Variants in SPOCK3 observed in about 807,000 individuals in gnomAD.
SPOCK3 encodes SPARC (osteonectin), cwcv and kazal like domains proteoglycan 3.
In SPOCK3, 30 loss-of-function variants were observed where a neutral mutation model predicts 56.6. The ratio of observed to expected loss-of-function variants is 0.53; its 90% confidence interval spans 0.40 to 0.72. The LOEUF is 0.72. Among genes scored for constraint, SPOCK3 ranks in the 30% least tolerant of loss-of-function variants. The probability of loss-of-function intolerance (pLI) is 0.00; values close to 1 mark genes in which losing one functional copy is unlikely to be tolerated. For synonymous variants in SPOCK3, 196 were observed against 183.3 expected, an observed-to-expected ratio of 1.07 and a Z score of -0.56; for missense variants, 527 against 530.0, an observed-to-expected ratio of 0.99 and a Z score of 0.06.
intron 7 of SPOCK3, among the ~76,000 whole-genome samples, chr4:166,788,117 G>T (rs1055499724): frequency 1.3e-5 from 2 of 152,142 alleles, no homozygotes; most frequent in Non-Finnish European, 2.9e-5. Flanking sequence ...AGGAGGCGGA[G>T]GTTGCAGTGA....
rs192403163 is a variant in SPOCK3, at chr4:167,039,808, G to A, written c.235+22684C>T. ...TGTATAGCGAAAACATTTTAAAAAT[G>A]TATGAATGTTATGTATATATACCAC... is the stretch of plus-strand genomic sequence containing the variant. On this transcript the variant is annotated intron_variant, in intron 3 of 10. Coordinates refer to ENST00000357545, the MANE Select transcript of SPOCK3 (RefSeq NM_001040159.2). Among the ~76,000 whole-genome samples the A allele has an allele frequency of 1.6e-4, 25 of 152,282 alleles. No homozygotes were observed. In the East Asian group the frequency reaches 4.6e-3, roughly 28 times the overall value.
chr4:166,998,117 G>A (rs1265603579), intron 4 of SPOCK3, among the ~76,000 whole-genome samples: 2 of 152,042 alleles, frequency 1.3e-5, no homozygotes, highest in Non-Finnish European at 2.9e-5. Flanking sequence ...GGCAAATAAA[G>A]CATATCAAAT....
intron 3 of SPOCK3, among the ~76,000 whole-genome samples, chr4:167,028,985 C>T (rs1031367907): frequency 2.0e-5 from 3 of 151,864 alleles, no homozygotes; most frequent in East Asian, 1.9e-4. Flanking sequence ...TATAGGTAAA[C>T]GAGTGCCATG....
At chr4:166,899,508 C>CTTTT (rs781766258) in intron 5 of SPOCK3, among the ~76,000 whole-genome samples, 29,274 of 118,778 alleles carry the variant, frequency 0.25, 4,684 homozygotes, top group East Asian at 0.57. Flanking sequence ...TTCTTTCTTT[C>CTTTT]TTTTTTTTTT....
intron 6 of SPOCK3, among the ~76,000 whole-genome samples, chr4:166,852,686 G>GT (rs1460139777): frequency 1.3e-5 from 2 of 152,146 alleles, no homozygotes; most frequent in African/African-American, 4.8e-5. Flanking sequence ...CAGGCTGTCA[G>GT]TATGGCACCC....
intron 2 of SPOCK3, among the ~76,000 whole-genome samples, chr4:167,091,465 T>C (rs961778987): frequency 6.6e-6 from 1 of 152,166 alleles, no homozygotes; most frequent in African/African-American, 2.4e-5. Context: ...GGTGATAATA[T>C]CAGCAGGTTT....
intron 3 of SPOCK3, among the ~76,000 whole-genome samples, chr4:167,020,143 TAAAAG>T (rs1751028498): frequency 1.3e-5 from 2 of 152,068 alleles, no homozygotes; most frequent in South Asian, 4.1e-4. Context: ...AGTGCCTACA[TAAAAG>T]AAATCTAAAA....
At chr4:167,036,383 A>C (rs939781235) in intron 3 of SPOCK3, among the ~76,000 whole-genome samples, 6 of 151,868 alleles carry the variant, frequency 4.0e-5, no homozygotes, top group African/African-American at 1.5e-4. Flanking sequence ...TTATTTCTTT[A>C]TTTATATCCC....
intron 6 of SPOCK3, among the ~76,000 whole-genome samples, chr4:166,822,326 G>C (rs1329659359): frequency 6.6e-6 from 1 of 152,030 alleles, no homozygotes; most frequent in Non-Finnish European, 1.5e-5. Flanking sequence ...CTCTGAAAAT[G>C]TGGATCAGTA....
At chr4:167,195,330 A>T (rs1025101314) in intron 2 of SPOCK3, among the ~76,000 whole-genome samples, 2 of 152,210 alleles carry the variant, frequency 1.3e-5, no homozygotes, top group Non-Finnish European at 2.9e-5. Flanking sequence ...ATGAGTTACA[A>T]GGCCATTTCA....
rs1006329703 is a variant in SPOCK3, at chr4:166,857,481, A to G, written c.589+31649T>C. On this transcript the variant is annotated intron_variant, in intron 6 of 10. Coordinates refer to ENST00000357545, the MANE Select transcript of SPOCK3 (RefSeq NM_001040159.2). Reference sequence around the variant, plus strand: ...TCGGTATTTCATTTATCTAAAGTGAACTAGGCTTTCTTTTCATCCATTATG... The same window carrying G: ...TCGGTATTTCATTTATCTAAAGTGAGCTAGGCTTTCTTTTCATCCATTATG... Among the ~76,000 whole-genome samples the G allele has an allele frequency of 3.3e-5, 5 of 152,188 alleles. 1 individual carries two copies. Among genetic ancestry groups the G allele is most frequent in the Non-Finnish European group, 7.3e-5 (5 of 68,046 alleles).
At chr4:167,116,211 C>A (rs528435676) in intron 2 of SPOCK3, among the ~76,000 whole-genome samples, 42 of 151,664 alleles carry the variant, frequency 2.8e-4, no homozygotes, top group African/African-American at 9.7e-4. Flanking sequence ...ACACACACCC[C>A]AAAAGGCATG....
At chr4:166,931,336 G>T (rs986404615) in intron 4 of SPOCK3, among the ~76,000 whole-genome samples, 1 of 139,814 alleles carries the variant, frequency 7.2e-6, no homozygotes, top group East Asian at 2.2e-4. Flanking sequence ...TGTGTGGGGG[G>T]TGGGGGGGCA....
intron 4 of SPOCK3, among the ~76,000 whole-genome samples, chr4:166,975,590 G>T (rs1745857822): frequency 1.3e-5 from 2 of 151,968 alleles, no homozygotes; most frequent in Admixed American, 1.3e-4. Context: ...CAAATATTTA[G>T]ATTTTATATA....
chr4:166,893,875 T>C (rs1449269525), intron 5 of SPOCK3, among the ~76,000 whole-genome samples: 1 of 152,154 alleles, frequency 6.6e-6, no homozygotes, highest in Admixed American at 6.6e-5. Context: ...TATTCAGCTG[T>C]AGCTAACCCT....
intron 2 of SPOCK3, among the ~76,000 whole-genome samples, chr4:167,067,083 T>A (rs544998314): frequency 6.6e-6 from 1 of 151,954 alleles, no homozygotes; most frequent in Non-Finnish European, 1.5e-5. Flanking sequence ...CAGAATCAGT[T>A]GGGAATAGGA....
intron 4 of SPOCK3, among the ~76,000 whole-genome samples, chr4:166,992,436 A>C (rs1429966973): frequency 3.3e-5 from 5 of 152,172 alleles, no homozygotes; most frequent in Admixed American, 6.5e-5. Flanking sequence ...CAAAATAATA[A>C]AGCAATATAG....
intron 2 of SPOCK3, among the ~76,000 whole-genome samples, chr4:167,204,399 G>C (rs1001937316): frequency 9.2e-5 from 14 of 152,168 alleles, no homozygotes; most frequent in African/African-American, 3.1e-4. Context: ...AGCTGGGGAG[G>C]CCTCAGGAAA....
intron 2 of SPOCK3, among the ~76,000 whole-genome samples, chr4:167,160,539 T>G (rs1765203779): frequency 1.3e-5 from 2 of 151,836 alleles, no homozygotes; most frequent in African/African-American, 4.8e-5. Context: ...TGGAAAAAAC[T>G]ACTTTAAAGT....
Sources: gnomAD v4.1 joint callset for allele counts (sites outside exome capture counted in the v4.1 genomes callset) on GRCh38, gnomAD v4.1.1 for gene constraint, MANE v1.5 for transcripts, NCBI Gene and HGNC (gene_info 2026-07-23, HGNC 2026-07-21) for gene names.